PREP: variants seen among roughly 807,000 people sequenced by gnomAD.
PREP encodes the protein dJ355L5.1 (prolyl endopeptidase).
Under a neutral mutation model 87.6 loss-of-function variants are expected in PREP, and 29 were observed. The ratio of observed to expected loss-of-function variants is 0.33; its 90% CI spans 0.25 to 0.45. The LOEUF (loss-of-function observed/expected upper bound fraction) is 0.45. PREP is among the 20% of genes least tolerant of loss of function. PREP has a pLI of 1.00. For synonymous variants in PREP, 337 were observed against 328.6 expected (o/e 1.03, Z -0.28); for missense variants, 695 against 886.5 (o/e 0.78, Z 2.74).
At chr6:105,328,238 C>A (rs1476541627) in intron 9 of PREP, among the ~76,000 whole-genome samples, 1 of 151,924 alleles carries the variant, frequency 6.6e-6, no homozygotes, top group Non-Finnish European at 1.5e-5. Context: ...AAGACTGAAT[C>A]AAATGTTGTA....
At chr6:105,309,196 G>A (rs1255013035) in intron 10 of PREP, among the ~76,000 whole-genome samples, 1 of 152,086 alleles carries the variant, frequency 6.6e-6, no homozygotes, top group South Asian at 2.1e-4. Context: ...ATGTGATCAC[G>A]AGGGCTAGGC....
At chr6:105,371,797 GCTA>G (rs201302151) in intron 5 of PREP, among the ~76,000 whole-genome samples, 2,020 of 152,122 alleles carry the variant, frequency 0.013, 22 homozygotes, top group Middle Eastern at 0.038. Context: ...AGTCTGAGAG[GCTA>G]CTGAGATGTT....
At chr6:105,373,315 T>A (rs1772605216) in intron 5 of PREP, 54 bp downstream of exon 5, 14 of 1,556,412 alleles carry the variant, frequency 9.0e-6, no homozygotes, top group Non-Finnish European at 1.2e-5. Context: ...TTCAGTCACT[T>A]GAAGTCACAC....
chr6:105,398,352 C>T (rs1773339876), intron 1 of PREP, among the ~76,000 whole-genome samples: 1 of 152,182 alleles, frequency 6.6e-6, no homozygotes, highest in Non-Finnish European at 1.5e-5. Context: ...TTCCGCTGAG[C>T]TTCCCAATGA....
At position 105,275,031 on chromosome 6, in the gene PREP, C is replaced by T. The variant is rs925182220; in HGVS notation, c.*3113G>A. Among the ~76,000 whole-genome samples, 1 of 151,766 alleles carries T rather than the reference C, an allele frequency of 6.6e-6. No homozygotes were observed. Among genetic ancestry groups the T allele is most frequent in the African/African-American group, 2.4e-5 (1 of 41,026 alleles). ...GGACATTTTCTCTCTGCACCTTCAG[C>T]CCCTGAGATATGGAGGATGAGAATG... is the stretch of plus-strand genomic sequence containing the variant. On this transcript the variant is annotated 3_prime_UTR_variant, in exon 15 of 15. Coordinates refer to ENST00000652536, the MANE Select transcript of PREP (RefSeq NM_002726.5).
chr6:105,379,860 T>C (rs765779329), intron 2 of PREP, among the ~76,000 whole-genome samples: 5 of 152,126 alleles, frequency 3.3e-5, no homozygotes, highest in Non-Finnish European at 7.4e-5. Flanking sequence ...AGCCAGAGGG[T>C]TGCAGAATGG....
At chr6:105,326,231 G>C (rs1771155299) in intron 9 of PREP, among the ~76,000 whole-genome samples, 1 of 152,052 alleles carries the variant, frequency 6.6e-6, no homozygotes, top group African/African-American at 2.4e-5. Context: ...CATGCATATG[G>C]GACTGCTCTA....
At chr6:105,280,966 T>C (rs1770069807) in intron 14 of PREP, 1 of 152,330 alleles carries the variant, frequency 6.6e-6, no homozygotes, top group African/African-American at 2.4e-5. Context: ...AGTATAATAA[T>C]ACCTTTTGAT....
chr6:105,323,890 G>A (rs933979541), intron 9 of PREP, 122 bp from the exon 10 acceptor site: 2 of 827,040 alleles, frequency 2.4e-6, no homozygotes, highest in African/African-American at 3.4e-5. Flanking sequence ...CAGGGACTTG[G>A]TTAATCCCCA....
intron 12 of PREP, among the ~76,000 whole-genome samples, chr6:105,282,819 G>C (rs1770111763): frequency 6.6e-6 from 1 of 152,154 alleles, no homozygotes; most frequent in African/African-American, 2.4e-5. Flanking sequence ...AAAGCCTCTA[G>C]AACTTAAACG....
intron 10 of PREP, among the ~76,000 whole-genome samples, chr6:105,320,974 C>G (rs1583053568): frequency 6.6e-6 from 1 of 152,206 alleles, no homozygotes; most frequent in South Asian, 2.1e-4. Flanking sequence ...GCTCTCATTG[C>G]ATGTCAAAGC....
intron 9 of PREP, among the ~76,000 whole-genome samples, chr6:105,327,519 C>T (rs12208452): frequency 0.14 from 20,904 of 152,024 alleles, 1,486 homozygotes; most frequent in South Asian, 0.21. Flanking sequence ...TTTTAATAAC[C>T]CTGACAGCAA....
At chr6:105,338,116 A>G (rs1159026334) in intron 7 of PREP, among the ~76,000 whole-genome samples, 1 of 152,248 alleles carries the variant, frequency 6.6e-6, no homozygotes, top group Admixed American at 6.5e-5. Context: ...CAATGAAACA[A>G]TTTTCTGGAC....
At chr6:105,349,898 T>TAAAAAAAAAAAA (rs1162063177) in intron 7 of PREP, among the ~76,000 whole-genome samples, 32 of 59,438 alleles carry the variant, frequency 5.4e-4, no homozygotes, top group East Asian at 2.8e-3. Context: ...GGGAAGCAGG[T>TAAAAAAAAAAAA]AAAAAAAAAA....
At chr6:105,283,331 C>T (rs114875413) in intron 12 of PREP, among the ~76,000 whole-genome samples, 2,735 of 152,250 alleles carry the variant, frequency 0.018, 49 homozygotes, top group African/African-American at 0.047. Flanking sequence ...ATTTACAGGG[C>T]CATGAAATAT....
intron 2 of PREP, among the ~76,000 whole-genome samples, chr6:105,377,961 A>G (rs1772731207): frequency 6.6e-6 from 1 of 152,198 alleles, no homozygotes; most frequent in South Asian, 2.1e-4. Flanking sequence ...CTCAGATCAC[A>G]CACTGCCAAT....
At chr6:105,365,479 T>C (rs749962082) in intron 6 of PREP, among the ~76,000 whole-genome samples, 1 of 152,120 alleles carries the variant, frequency 6.6e-6, no homozygotes, top group Non-Finnish European at 1.5e-5. Context: ...GAGTGAAGAC[T>C]TGGAACTGGA....
At chr6:105,328,788 C>T (rs771678087) in intron 9 of PREP, 41 bp downstream of exon 9, 26 of 1,594,426 alleles carry the variant, frequency 1.6e-5, no homozygotes, top group Admixed American at 6.7e-5. Context: ...AAACACCAGT[C>T]GGATTTTTAA....
Position 105,278,139 on chromosome 6 carries a change from AC to A in PREP, c.*4del. ...GTCGCTGTCAGGAGGAAGCACGAAA[AC>A]TGTTTATGGAATCCAGTCGACGTTC... On this transcript the variant is annotated 3_prime_UTR_variant, in exon 15 of 15. Coordinates refer to ENST00000652536, the MANE Select transcript of PREP (RefSeq NM_002726.5). The surrounding 1 kb of genome is among the most constrained non-coding windows in gnomAD (Gnocchi z 4.2). 6.2e-7 allele frequency: 1 copy of A among 1,601,162 alleles called. No individual in the cohort carries two copies. The highest frequency in any genetic ancestry group is 8.5e-7 in the Non-Finnish European group (1 of 1,170,226).
Sources: gnomAD v4.1 joint callset for allele counts (sites outside exome capture counted in the v4.1 genomes callset) on GRCh38, gnomAD v4.1.1 for gene constraint, Gnocchi (gnomAD v3.1) non-coding constraint, MANE v1.5 for transcripts, NCBI Gene and HGNC (gene_info 2026-07-23, HGNC 2026-07-21) for gene names.